DMXL1: variants seen among roughly 807,000 people sequenced by gnomAD.
The protein encoded by DMXL1 is Dmx like 1, also known as dmX-like protein 1.
A neutral mutation model predicts 319.2 loss-of-function variants in DMXL1; 99 were observed. The observed-to-expected ratio is 0.31, with a 90% CI of 0.26 to 0.37. The LOEUF is 0.37. Among genes scored for constraint, DMXL1 ranks in the 10% least tolerant of loss-of-function variants. DMXL1 has a pLI of 1.00. For synonymous variants in DMXL1, 1,385 were observed against 1,235.2 expected (o/e 1.12, Z -2.54); for missense variants, 3,745 against 3,595.6 (o/e 1.04, Z -1.06).
At chr5:119,111,120 G>A (rs1309464124) in intron 5 of DMXL1, among the ~76,000 whole-genome samples, 1 of 152,098 alleles carries the variant, frequency 6.6e-6, no homozygotes, top group Non-Finnish European at 1.5e-5. Flanking sequence ...GGGAAAACTA[G>A]CTAGCTCTGT....
intron 37 of DMXL1, among the ~76,000 whole-genome samples, chr5:119,222,517 G>C (rs1474241724): frequency 6.6e-6 from 1 of 152,152 alleles, no homozygotes; most frequent in Admixed American, 6.5e-5. Context: ...TGCCAAAGAA[G>C]TGCATAGGAC....
rs1159582419 is a variant in DMXL1 at position 119,171,076 on chromosome 5, A to G, written c.6285A>G (p.Gly2095=). The change falls in exon 24 of 44, where the codon GGA becomes GGG. Residue 2095 remains glycine (G), a synonymous_variant. Coordinates refer to ENST00000539542, the MANE Select transcript of DMXL1 (RefSeq NM_001290321.3). ...TTGGCAGAAATGAAGATGAATTTGGATTAAATGAGGATGCTGAAGATTTGC... is the reference window on the plus strand; with the variant it reads ...TTGGCAGAAATGAAGATGAATTTGGGTTAAATGAGGATGCTGAAGATTTGC... ...SAFGRNEDEF[G]LNEDAEDLPH... The G allele has an allele frequency of 6.2e-7, 1 of 1,613,928 alleles. No homozygotes were observed. Among genetic ancestry groups the G allele is most frequent in the Non-Finnish European group, 8.5e-7 (1 of 1,179,890 alleles).
chr5:119,132,668 C>T, intron 10 of DMXL1: 1 of 419,838 alleles, frequency 2.4e-6, no homozygotes, highest in South Asian at 1.7e-5. Context: ...GAGTAAGACT[C>T]CGTCTCAAAA....
intron 11 of DMXL1, 43 bp downstream of exon 11, chr5:119,133,428 G>C: frequency 6.3e-7 from 1 of 1,587,044 alleles, no homozygotes; most frequent in South Asian, 1.2e-5. Context: ...TGTTTATGTG[G>C]GTACTATTTT....
chr5:119,232,914 A>G (rs1397239702), intron 38 of DMXL1, among the ~76,000 whole-genome samples: 1 of 151,918 alleles, frequency 6.6e-6, no homozygotes, highest in South Asian at 2.1e-4. Context: ...TTTCTTTAGC[A>G]TGACATTTAA....
chr5:119,245,509 C>G (rs1789570893), intron 43 of DMXL1, among the ~76,000 whole-genome samples: 1 of 150,048 alleles, frequency 6.7e-6, no homozygotes, highest in East Asian at 1.9e-4. Context: ...GACTGACTCT[C>G]TAGTTTAGAA....
chr5:119,116,085 C>G, intron 6 of DMXL1, 73 bp from the exon 7 acceptor site: 6 of 1,413,450 alleles, frequency 4.2e-6, no homozygotes, highest in Non-Finnish European at 3.8e-6. Flanking sequence ...GGAGAAAATT[C>G]TTACTTTTGC....
At chr5:119,105,129 C>A in intron 3 of DMXL1, 51 bp from the exon 4 acceptor site, 1 of 1,170,556 alleles carries the variant, frequency 8.5e-7, no homozygotes, top group Non-Finnish European at 1.3e-6. Flanking sequence ...ACACATTTGA[C>A]AGAGAAAATA....
intron 9 of DMXL1, among the ~76,000 whole-genome samples, chr5:119,125,203 A>G (rs753680704): frequency 1.4e-4 from 22 of 152,238 alleles, no homozygotes; most frequent in Non-Finnish European, 2.9e-4. Flanking sequence ...ATATATGAAT[A>G]TAGCTAAATA....
chr5:119,130,105 G>C (rs1054864232), intron 10 of DMXL1, among the ~76,000 whole-genome samples: 2 of 151,564 alleles, frequency 1.3e-5, no homozygotes, highest in African/African-American at 4.8e-5. Flanking sequence ...TTTTTTTAAA[G>C]TTTTGTTTTA....
chr5:119,156,295 G>A (rs181603004), intron 19 of DMXL1, among the ~76,000 whole-genome samples: 2 of 152,272 alleles, frequency 1.3e-5, no homozygotes. Flanking sequence ...ATTAAGGTAT[G>A]TACACTCATT....
intron 32 of DMXL1, among the ~76,000 whole-genome samples, chr5:119,202,891 A>ATATATATATATTTATATATTTATATATT: frequency 7.1e-6 from 1 of 139,946 alleles, no homozygotes; most frequent in African/African-American, 2.8e-5. Context: ...ATTTTTATAT[A>ATATATATATATTTATATATTTATATATT]TATATATATA....
At chr5:119,166,489 A>G in intron 21 of DMXL1, 127 bp from the exon 22 acceptor site, 2 of 707,312 alleles carry the variant, frequency 2.8e-6, no homozygotes, top group Middle Eastern at 4.0e-4. Flanking sequence ...AGAAGCAGAT[A>G]CATAGTAAGT....
At chr5:119,173,144 G>A (rs938165145) in intron 25 of DMXL1, among the ~76,000 whole-genome samples, 3 of 152,028 alleles carry the variant, frequency 2.0e-5, no homozygotes, top group Non-Finnish European at 1.5e-5. Context: ...TTCAAGACCA[G>A]CCTGACCAAC....
rs1377750628 is a variant in DMXL1 at position 119,197,750 on chromosome 5, T to C, written c.7544-5T>C. ...GATTAATATGAGTCAATGTTCCCAT[T>C]TTAGAGCTTCCAGTTAGTTCACCTC... is the stretch of plus-strand genomic sequence containing the variant. On this transcript the variant is annotated splice_region_variant and splice_polypyrimidine_tract_variant and intron_variant, in intron 31 of 43. Transcript: ENST00000539542. The C allele has an allele frequency of 3.1e-6, 5 of 1,613,822 alleles. No homozygotes were observed. The East Asian group carries it at 1.1e-4, about 36-fold the overall frequency.
chr5:119,204,424 C>T (rs797009622), intron 33 of DMXL1, among the ~76,000 whole-genome samples: 1 of 152,216 alleles, frequency 6.6e-6, no homozygotes, highest in Admixed American at 6.5e-5. Flanking sequence ...CAGGCTTGAG[C>T]CACTGCACCC....
chr5:119,226,028 C>G (rs974663654), intron 38 of DMXL1, among the ~76,000 whole-genome samples: 2 of 152,162 alleles, frequency 1.3e-5, no homozygotes, highest in African/African-American at 2.4e-5. Context: ...TCATTTTTCT[C>G]TCAGTCCCAT....
intron 14 of DMXL1, 98 bp from the exon 15 acceptor site, chr5:119,144,438 C>A: frequency 1.1e-6 from 1 of 876,096 alleles, no homozygotes; most frequent in Non-Finnish European, 1.8e-6. Flanking sequence ...TCTTATTCTG[C>A]CTTTAAATAT....
At chr5:119,158,696 A>T (rs1179286566) in intron 19 of DMXL1, among the ~76,000 whole-genome samples, 1 of 152,114 alleles carries the variant, frequency 6.6e-6, no homozygotes, top group African/African-American at 2.4e-5. Flanking sequence ...TCATGAAAGG[A>T]TGTCGAATTT....
Sources: allele counts gnomAD v4.1 joint callset (sites outside exome capture counted in the v4.1 genomes callset), GRCh38; gene constraint gnomAD v4.1.1; transcripts MANE v1.5; gene names NCBI Gene and HGNC (gene_info 2026-07-23, HGNC 2026-07-21).